CHD4: variants seen among roughly 807,000 people sequenced by gnomAD.
CHD4 encodes the protein chromodomain helicase DNA binding protein 4.
A neutral mutation model predicts 235.5 loss-of-function variants in CHD4; 35 were observed. That is an observed-to-expected ratio of 0.15 (90% CI 0.11 to 0.20). CHD4 has a LOEUF of 0.20. CHD4 is among the 10% of genes least tolerant of loss of function. The pLI, the probability that CHD4 is intolerant of heterozygous loss-of-function variation, is 1.00. For synonymous variants in CHD4, 900 were observed against 850.2 expected (o/e 1.06, Z -1.02); for missense variants, 1,329 against 2,432.3 (o/e 0.55, Z 9.54).
intron 14 of CHD4, 32 bp downstream of exon 14, chr12:6,595,302 A>C (rs1948468221): frequency 1.3e-6 from 2 of 1,576,108 alleles, no homozygotes; most frequent in Non-Finnish European, 1.7e-6. Flanking sequence ...TGTCCTACCC[A>C]ACAAACTACA....
At chr12:6,571,303 T>G in intron 38 of CHD4, 1 of 378,196 alleles carries the variant, frequency 2.6e-6, no homozygotes, top group Non-Finnish European at 4.8e-6. Context: ...TCGTTTTTTC[T>G]CTTCTCTACC....
chr12:6,606,249 C>A (rs1306380615), intron 2 of CHD4, 25 bp downstream of exon 2: 1 of 1,478,456 alleles, frequency 6.8e-7, no homozygotes, highest in Admixed American at 1.8e-5. Context: ...TCCTTCCCGC[C>A]ATGGGCCCTT....
At chr12:6,606,156 T>A (rs1948692668) in intron 2 of CHD4, 118 bp downstream of exon 2, 1 of 680,168 alleles carries the variant, frequency 1.5e-6, no homozygotes, top group Admixed American at 3.2e-5. Context: ...TCGGATACCC[T>A]CCACCTCCGG....
In CHD4 at chr12:6,577,769, C is replaced by CT; in HGVS notation, c.5361+15dup. The CT allele has an allele frequency of 6.2e-7, 1 of 1,613,890 alleles. No individual in the cohort carries two copies. Among genetic ancestry groups the CT allele is most frequent in the Non-Finnish European group, 8.5e-7 (1 of 1,179,906 alleles). On this transcript the variant is annotated intron_variant, in intron 37 of 39. Transcript: ENST00000544040. ...AGTTTGTCACTTAAGCAATATATTC[C>CT]TCCCCAACCGCTCACCTTAAACCTT...
At chr12:6,585,324 C>G (rs1407075039) in intron 25 of CHD4, among the ~76,000 whole-genome samples, 1 of 151,750 alleles carries the variant, frequency 6.6e-6, no homozygotes, top group African/African-American at 2.4e-5. Flanking sequence ...TGGCTCTGTC[C>G]CCCAGGCTGG....
At position 6,600,654 on chromosome 12, in the gene CHD4, A is replaced by T; in HGVS notation, c.943T>A (p.Leu315Ile). 6.2e-7 allele frequency: 1 copy of T among 1,614,146 alleles called. No homozygotes were observed. Among genetic ancestry groups the T allele is most frequent in the East Asian group, 2.2e-5 (1 of 44,876 alleles). Residue 315 changes from leucine (L) to isoleucine (I), a missense_variant, in exon 8 of 40, where the codon TTA becomes ATA. Coordinates refer to ENST00000544040, the MANE Select transcript of CHD4 (RefSeq NM_001273.5). ...TCATCGAAGTCAGATTCCACATCTA[A>T]GTCATCATCCTCACTCTGGCAGGAT... ...RKRSSSEDDD[L>I]DVESDFDDAS... is the part of the protein sequence containing the mutation.
chr12:6,602,170 C>A lies in CHD4; in HGVS notation c.228G>T (p.Met76Ile). The stretch of plus-strand genomic sequence containing the variant: ...TGTCCCCCAGCTGCCGGCATAAGAG[C>A]ATACGCTGGAGCAGGGCAAGGGGGG... ...PKSKRQKKER[M>I]LLCRQLGDSS... is the part of the protein sequence containing the mutation. Residue 76 changes from methionine (M) to isoleucine (I), a missense_variant, in exon 4 of 40, where the codon ATG becomes ATT. This residue lies in a region of CHD4 where 213 missense variants were observed against 177.5 expected (regional missense o/e 1.20). Transcript: ENST00000544040. 6.2e-7 allele frequency: 1 copy of A among 1,613,968 alleles called. No individual in the cohort carries two copies. The highest frequency in any genetic ancestry group is 1.1e-5 in the South Asian group (1 of 91,078).
At chr12:6,581,904 G>A in intron 30 of CHD4, 90 bp from the exon 31 acceptor site, 1 of 1,420,976 alleles carries the variant, frequency 7.0e-7, no homozygotes, top group South Asian at 1.5e-5. Flanking sequence ...CCGGGTTCAA[G>A]CAATTCTCCT....
chr12:6,593,012 C>T lies in CHD4; in HGVS notation c.2652+79G>A. ...AATTTTCCCCTCTCCTCTCCATCTACAAGTTTTCCCCTTAATGAATTGGTA... is the reference window on the plus strand; with the variant it reads ...AATTTTCCCCTCTCCTCTCCATCTATAAGTTTTCCCCTTAATGAATTGGTA... On this transcript the variant is annotated intron_variant, in intron 17 of 39. Transcript: ENST00000544040. The surrounding 1 kb of genome is among the most constrained non-coding windows in gnomAD (Gnocchi z 4.9). The T allele has an allele frequency of 6.3e-7, 1 of 1,576,486 alleles. No homozygotes were observed. Among genetic ancestry groups the T allele is most frequent in the South Asian group, 1.1e-5 (1 of 88,780 alleles).
chr12:6,575,413 G>A lies in CHD4; in HGVS notation c.5362-2144C>T, dbSNP rs183318102. ...CAGTGAGCCAGGAAATGTCGCCACT[G>A]CACTCCAGCCTGGGCAACTGAGTAA... On this transcript the variant is annotated intron_variant, in intron 37 of 39. Transcript: ENST00000544040. Among the ~76,000 whole-genome samples, 864 of 144,288 alleles carry A rather than the reference G, an allele frequency of 6.0e-3. 3 individuals are homozygous for A. The highest frequency in any genetic ancestry group is 7.8e-3 in the Non-Finnish European group (524 of 67,218). 94.7% of individuals were successfully genotyped at this position (144,288 alleles called of 152,430 possible).
Position 6,592,067 on chromosome 12 carries a change from C to T in CHD4, c.2949-10G>A. 1 of 1,614,000 alleles carries T rather than the reference C, an allele frequency of 6.2e-7. No individual in the cohort carries two copies. The highest frequency in any genetic ancestry group is 8.5e-7 in the Non-Finnish European group (1 of 1,180,002). ...GTACTTGTAGTATTTCCTACATGGGCAAGGTAGAAAGACAGGTTAGACTTG... is the reference window on the plus strand; with the variant it reads ...GTACTTGTAGTATTTCCTACATGGGTAAGGTAGAAAGACAGGTTAGACTTG... On this transcript the variant is annotated splice_polypyrimidine_tract_variant and intron_variant, in intron 19 of 39. Transcript: ENST00000544040.
chr12:6,604,185 G>GA (rs1948648754), intron 2 of CHD4, among the ~76,000 whole-genome samples: 1 of 152,172 alleles, frequency 6.6e-6, no homozygotes, highest in Non-Finnish European at 1.5e-5. Flanking sequence ...TGAGGCAGGA[G>GA]AATCGCTTGA....
chr12:6,602,487 C>T lies in CHD4; in HGVS notation c.111G>A (p.Glu37=), dbSNP rs775735276. 4 of 1,612,016 alleles carry T rather than the reference C, an allele frequency of 2.5e-6. No homozygotes were observed. The Admixed American group carries it at 5.0e-5, about 20-fold the overall frequency. Residue 37 remains glutamate (E), a synonymous_variant, in exon 3 of 40, where the codon GAG becomes GAA. Transcript: ENST00000544040. ...TTTCTGACAAATCCTCTTCTGGGTC[C>T]TCTTCATTTTCTACATATATTTGGC... ...SLPPPHPENE[E]DPEEDLSETE...
Position 6,599,965 on chromosome 12 carries a change from A to G in CHD4, c.1290T>C (p.Gly430=), listed in dbSNP as rs777924620. Residue 430 remains glycine (G), a synonymous_variant, in exon 10 of 40, where the codon GGT becomes GGC. Coordinates refer to ENST00000544040, the MANE Select transcript of CHD4 (RefSeq NM_001273.5). The part of the protein sequence containing the change: ...QWEAKEDNSE[G]EEILEEVGGD... ...CCCCAACCTCTTCCAGGATCTCCTC[A>G]CCCTCCGAATTGTCCTCTTTAGCTT... 8 of 1,613,808 alleles carry G rather than the reference A, an allele frequency of 5.0e-6. No individual in the cohort carries two copies. The highest frequency in any genetic ancestry group is 6.8e-6 in the Non-Finnish European group (8 of 1,179,996).
chr12:6,592,242 C>T lies in CHD4; in HGVS notation c.2948+151G>A. 5 of 1,253,492 alleles carry T rather than the reference C, an allele frequency of 4.0e-6. No homozygotes were observed. The East Asian group carries it at 1.2e-4, about 30-fold the overall frequency. The allele number at this position is 1,253,492 out of a possible 1,614,324, so 77.6% of individuals were successfully genotyped here. A position where few individuals can be genotyped will look rare whatever the true frequency, so the allele number is the denominator to read the frequency against. ...AGGTATAACCTAAAATAAGTAAGAA[C>T]TATGCGCTCCAGCGCCCTAGCATCA... On this transcript the variant is annotated intron_variant, in intron 19 of 39. Coordinates refer to ENST00000544040, the MANE Select transcript of CHD4 (RefSeq NM_001273.5).
chr12:6,574,736 C>A (rs1303946174), intron 37 of CHD4, among the ~76,000 whole-genome samples: 1 of 152,204 alleles, frequency 6.6e-6, no homozygotes, highest in African/African-American at 2.4e-5. Flanking sequence ...CGATATCATT[C>A]TTTTCTACAA....
rs1948438030 is a variant in CHD4 at position 6,593,654 on chromosome 12, CA to C, written c.2314-39del. 1 of 1,590,986 alleles carries C rather than the reference CA, an allele frequency of 6.3e-7. No homozygotes were observed. The highest frequency in any genetic ancestry group is 1.7e-5 in the Admixed American group (1 of 59,604). On this transcript the variant is annotated intron_variant, in intron 15 of 39. Transcript: ENST00000544040. This position sits in a 1 kb window ranked among gnomAD's most constrained non-coding sequence, Gnocchi z 4.9. ...AGAGGAGAGTCAGGACTGAGGGCCC[CA>C]GCACACTGCAACCCCAGCGAACACC...
At position 6,592,072 on chromosome 12, in the gene CHD4, TAG is replaced by T; in HGVS notation, c.2949-17_2949-16del. 1 of 1,614,014 alleles carries T rather than the reference TAG, an allele frequency of 6.2e-7. No homozygotes were observed. The highest frequency in any genetic ancestry group is 8.5e-7 in the Non-Finnish European group (1 of 1,180,002). On this transcript the variant is annotated splice_polypyrimidine_tract_variant and intron_variant, in intron 19 of 39. Transcript: ENST00000544040. Reference sequence around the variant, plus strand: ...TGTAGTATTTCCTACATGGGCAAGGTAGAAAGACAGGTTAGACTTGAGAGCCT... The same window carrying T: ...TGTAGTATTTCCTACATGGGCAAGGTAAAGACAGGTTAGACTTGAGAGCCT...
At chr12:6,585,802 C>A (rs867462997) in intron 25 of CHD4, among the ~76,000 whole-genome samples, 3,015 of 144,760 alleles carry the variant, frequency 0.021, 108 homozygotes, top group African/African-American at 0.072. Flanking sequence ...AAAAAAAAAA[C>A]ACACACACAA....
Sources: allele counts gnomAD v4.1 joint callset (sites outside exome capture counted in the v4.1 genomes callset), GRCh38; gene constraint gnomAD v4.1.1; regional missense constraint gnomAD v4.1.1; non-coding constraint Gnocchi (gnomAD v3.1); transcripts MANE v1.5; gene names NCBI Gene and HGNC (gene_info 2026-07-23, HGNC 2026-07-21).